The following SLC11A2 variants were observed in gnomAD, a reference collection of about 807,000 sequenced individuals.
SLC11A2 encodes natural resistance-associated macrophage protein 2.
In SLC11A2, 38 loss-of-function variants were observed where a neutral mutation model predicts 68.0. The observed-to-expected ratio is 0.56, with a 90% CI of 0.43 to 0.73. SLC11A2 has a LOEUF of 0.73. Among genes scored for constraint, SLC11A2 ranks in the 30% least tolerant of loss-of-function variants. The pLI is 0.00. For synonymous variants in SLC11A2, 242 were observed against 250.6 expected (o/e 0.97, Z 0.32); for missense variants, 517 against 690.5 (o/e 0.75, Z 2.82).
intron 13 of SLC11A2, 131 bp downstream of exon 13, chr12:50,992,059 T>G: frequency 1.1e-6 from 1 of 919,530 alleles, no homozygotes; most frequent in Non-Finnish European, 1.8e-6. Context: ...CATATACATT[T>G]ACTGCAGACC....
Position 50,986,393 on chromosome 12 carries a change from A to G in SLC11A2, c.*1932T>C. 7.8e-7 allele frequency: 1 copy of G among 1,279,992 alleles called. No homozygotes were observed. Among genetic ancestry groups the G allele is most frequent in the African/African-American group, 1.5e-5 (1 of 65,736 alleles). 79.3% of individuals were successfully genotyped at this position (1,279,992 alleles called of 1,614,324 possible). On this transcript the variant is annotated 3_prime_UTR_variant, in exon 16 of 16. Coordinates refer to ENST00000262052, the MANE Select transcript of SLC11A2 (RefSeq NM_000617.3). ...TTTAACACTGTGAAGTACACACATA[A>G]TATTATAAAATGCCATTTAATTGGA...
At chr12:50,953,506 G>C in the SLC11A2 span, among the ~76,000 whole-genome samples, 2 of 152,210 alleles carry the variant, frequency 1.3e-5, no homozygotes, top group African/African-American at 4.8e-5. Flanking sequence ...GTAAATATCT[G>C]AATGACTTTA....
At position 50,988,298 on chromosome 12, in the gene SLC11A2, A is replaced by G; in HGVS notation, c.*27T>C. 6.2e-7 allele frequency: 1 copy of G among 1,613,800 alleles called. No homozygotes were observed. Among genetic ancestry groups the G allele is most frequent in the Middle Eastern group, 1.7e-4 (1 of 6,048 alleles). On this transcript the variant is annotated 3_prime_UTR_variant, in exon 16 of 16. Transcript: ENST00000262052. The stretch of plus-strand genomic sequence containing the variant: ...TAGAAACACACTGGCTCTGATGGCT[A>G]CCTGCAGAAGACAGACTAATCCAGT...
At chr12:50,968,971 C>G in the SLC11A2 span, among the ~76,000 whole-genome samples, 2 of 152,156 alleles carry the variant, frequency 1.3e-5, no homozygotes, top group Non-Finnish European at 2.9e-5. Context: ...GAGCCCCCAC[C>G]ACGCACCGCA....
In SLC11A2 at chr12:50,992,805, C is replaced by T. The variant is rs773949088; in HGVS notation, c.1197+5G>A. 8 of 1,613,450 alleles carry T rather than the reference C, an allele frequency of 5.0e-6. No homozygotes were observed. The East Asian group carries it at 6.7e-5, about 13-fold the overall frequency. On this transcript the variant is annotated splice_donor_5th_base_variant and intron_variant, in intron 12 of 15. Transcript: ENST00000262052. ...TATCTCCCTCTATCCTATACCAGCA[C>T]GTACCTCCATGACAAACTGGCCAGA...
At chr12:50,991,782 G>T in intron 13 of SLC11A2, 110 bp from the exon 14 acceptor site, 1 of 831,626 alleles carries the variant, frequency 1.2e-6, no homozygotes, top group Non-Finnish European at 2.0e-6. Flanking sequence ...TACTCCATGA[G>T]AAATAATTAT....
At chr12:51,001,788 C>T (rs1427120263) in intron 5 of SLC11A2, among the ~76,000 whole-genome samples, 1 of 151,964 alleles carries the variant, frequency 6.6e-6, no homozygotes, top group Non-Finnish European at 1.5e-5. Context: ...GAGCTATGAT[C>T]ATGCCACTGC....
chr12:51,026,539 C>T (rs1944403227), upstream of SLC11A2: 2 of 348,706 alleles, frequency 5.7e-6, no homozygotes, highest in South Asian at 2.1e-5. Flanking sequence ...CCCTGGGGCA[C>T]GCGGCGGCCC....
the SLC11A2 span, among the ~76,000 whole-genome samples, chr12:50,973,882 G>A: frequency 6.6e-6 from 1 of 152,082 alleles, no homozygotes; most frequent in Non-Finnish European, 1.5e-5. Flanking sequence ...TAGAAGAAAG[G>A]GTATCAGTGA....
intron 1 of SLC11A2, among the ~76,000 whole-genome samples, chr12:51,011,292 C>A (rs1188074765): frequency 6.6e-6 from 1 of 151,762 alleles, no homozygotes; most frequent in African/African-American, 2.4e-5. Context: ...CCACGCCCAG[C>A]CAATTTTTTG....
chr12:51,000,728 A>G (rs2136245007), intron 5 of SLC11A2: 1 of 586,830 alleles, frequency 1.7e-6, no homozygotes, highest in East Asian at 2.8e-5. Flanking sequence ...ACTTCCACTT[A>G]ATTTCCTAAA....
chr12:51,010,845 A>G (rs1277433084), intron 1 of SLC11A2, 79 bp from the exon 2 acceptor site: 14 of 639,224 alleles, frequency 2.2e-5, no homozygotes, highest in Non-Finnish European at 3.3e-5. Context: ...GTTACTCTGT[A>G]TGACTGAATC....
chr12:51,016,887 G>T (rs1427950828), intron 1 of SLC11A2, among the ~76,000 whole-genome samples: 2 of 150,184 alleles, frequency 1.3e-5, no homozygotes, highest in Admixed American at 1.3e-4. Flanking sequence ...TGGGTGTGGT[G>T]GTGGGCGTCT....
rs770325519 is a variant in SLC11A2, at chr12:51,010,690, A to G, written c.34+5T>C. On this transcript the variant is annotated splice_donor_5th_base_variant and intron_variant, in intron 2 of 15. Transcript: ENST00000262052. The stretch of plus-strand genomic sequence containing the variant: ...ATTAGACAATAACACAAAGCGGTAA[A>G]TTACCATCTGACATCTTCTGTTCAG... The G allele has an allele frequency of 1.7e-4, 252 of 1,523,920 alleles. 3 individuals carry two copies. In the South Asian group the frequency reaches 2.8e-3, roughly 17 times the overall value. 94.4% of individuals were successfully genotyped at this position (1,523,920 alleles called of 1,614,324 possible).
At chr12:50,966,086 C>G in the SLC11A2 span, among the ~76,000 whole-genome samples, 1 of 152,136 alleles carries the variant, frequency 6.6e-6, no homozygotes, top group Non-Finnish European at 1.5e-5. Flanking sequence ...TTCTGATGAC[C>G]ACTTAGGCTT....
the SLC11A2 span, among the ~76,000 whole-genome samples, chr12:50,973,415 C>T: frequency 6.6e-6 from 1 of 152,156 alleles, no homozygotes; most frequent in Non-Finnish European, 1.5e-5. Flanking sequence ...CTCTAACAGA[C>T]CTGCAGCTGA....
At chr12:50,979,361 G>A (rs1939901783), downstream of SLC11A2, 1 of 160,236 alleles carries the variant, frequency 6.2e-6, no homozygotes, top group Admixed American at 6.0e-5. Flanking sequence ...CTGGAAAAGA[G>A]CTATAGAAAT....
At chr12:50,953,246 G>T in the SLC11A2 span, among the ~76,000 whole-genome samples, 1 of 152,118 alleles carries the variant, frequency 6.6e-6, no homozygotes, top group Non-Finnish European at 1.5e-5. Context: ...AGCAGGTGGC[G>T]GGGTGTGCCA....
chr12:51,000,693 A>T, intron 5 of SLC11A2: 1 of 592,846 alleles, frequency 1.7e-6, no homozygotes, highest in East Asian at 2.8e-5. Context: ...TTTCTACTTG[A>T]GAAGAATATA....
Sources: allele counts gnomAD v4.1 joint callset (sites outside exome capture counted in the v4.1 genomes callset), GRCh38; gene constraint gnomAD v4.1.1; transcripts MANE v1.5; gene names NCBI Gene and HGNC (gene_info 2026-07-23, HGNC 2026-07-21).